MYO5A: variants seen among roughly 807,000 people sequenced by gnomAD.
MYO5A encodes unconventional myosin-Va.
Under a neutral mutation model 249.7 loss-of-function variants are expected in MYO5A, and 98 were observed. The observed-to-expected ratio is 0.39, with a 90% CI of 0.33 to 0.46. The LOEUF is 0.46. MYO5A is among the 20% of genes least tolerant of loss of function. The probability of loss-of-function intolerance (pLI) is 0.98; values close to 1 mark genes in which losing one functional copy is unlikely to be tolerated. For synonymous variants in MYO5A, 778 were observed against 810.6 expected (o/e 0.96, Z 0.68); for missense variants, 1,696 against 2,308.8 (o/e 0.73, Z 5.44).
In MYO5A at chr15:52,319,318, G is replaced by A. The variant is rs1013885602; in HGVS notation, c.4976C>T (p.Thr1659Met). 25 of 1,614,036 alleles carry A rather than the reference G, an allele frequency of 1.5e-5. 1 individual carries two copies. The highest frequency in any genetic ancestry group is 6.7e-5 in the African/African-American group (5 of 74,914). Reference protein sequence around the residue: ...MIVSGMLEHETIQGVSGVKPT... With the variant: ...MIVSGMLEHEMIQGVSGVKPT... ...CTTCACCCCAGACACGCCCTGAATC[G>A]TTTCATGTTCCAGCATGCCTGAGAC... Residue 1659 changes from threonine to methionine, a missense_variant, in exon 39 of 42, where the codon ACG becomes ATG. Transcript: ENST00000399233.
chr15:52,460,583 C>T (rs1288919634), intron 1 of MYO5A, among the ~76,000 whole-genome samples: 1 of 152,164 alleles, frequency 6.6e-6, no homozygotes, highest in East Asian at 1.9e-4. Context: ...TGCAGTGAGC[C>T]CAGATGGCGG....
chr15:52,320,010 G>A (rs1361730227), intron 38 of MYO5A, among the ~76,000 whole-genome samples: 2 of 152,144 alleles, frequency 1.3e-5, no homozygotes, highest in Non-Finnish European at 2.9e-5. Context: ...AGCCCCAGAG[G>A]CAAAAACAGT....
chr15:52,471,474 GC>G (rs1469684462), intron 1 of MYO5A, among the ~76,000 whole-genome samples: 1 of 151,800 alleles, frequency 6.6e-6, no homozygotes, highest in Non-Finnish European at 1.5e-5. Context: ...AATCTGTTTA[GC>G]CAGGCATGGT....
chr15:52,357,465 A>AAAG (rs1555432921), intron 25 of MYO5A, among the ~76,000 whole-genome samples: 1 of 151,528 alleles, frequency 6.6e-6, no homozygotes, highest in African/African-American at 2.4e-5. Flanking sequence ...AAAAAAAAAA[A>AAAG]AAAGAAAAAA....
Position 52,528,846 on chromosome 15 carries a change from G to C in MYO5A, c.-40C>G. ...GCCTACGCCCCCCGCCTGTGCGGAGGCCGCACCTCGCCTGGGCGGCCGCCC... is the reference window on the plus strand; with the variant it reads ...GCCTACGCCCCCCGCCTGTGCGGAGCCCGCACCTCGCCTGGGCGGCCGCCC... On this transcript the variant is annotated 5_prime_UTR_variant, in exon 1 of 42. Coordinates refer to ENST00000399233, the MANE Select transcript of MYO5A (RefSeq NM_001382347.1). 1 of 1,449,342 alleles carries C rather than the reference G, an allele frequency of 6.9e-7. No homozygotes were observed. The highest frequency in any genetic ancestry group is 1.3e-5 in the South Asian group (1 of 74,334). 89.8% of individuals were successfully genotyped at this position (1,449,342 alleles called of 1,614,324 possible).
At chr15:52,340,028 A>T (rs1017142672) in intron 32 of MYO5A, among the ~76,000 whole-genome samples, 168 bp downstream of exon 32, 1 of 152,136 alleles carries the variant, frequency 6.6e-6, no homozygotes, top group South Asian at 2.1e-4. Context: ...CTTCCTTCCT[A>T]CCAAAATATT....
chr15:52,411,538 A>C (rs1009288992), intron 5 of MYO5A, among the ~76,000 whole-genome samples: 8 of 102,864 alleles, frequency 7.8e-5, no homozygotes, highest in Non-Finnish European at 1.6e-4. Flanking sequence ...AAGGCAAAGC[A>C]AAAAAAAAAA....
chr15:52,415,543 T>C (rs1396595021), intron 5 of MYO5A, among the ~76,000 whole-genome samples: 1 of 152,136 alleles, frequency 6.6e-6, no homozygotes, highest in African/African-American at 2.4e-5. Flanking sequence ...TATGAACCTA[T>C]AGCTGTGTTA....
At chr15:52,422,154 G>C (rs1002843505) in intron 4 of MYO5A, among the ~76,000 whole-genome samples, 7 of 152,112 alleles carry the variant, frequency 4.6e-5, no homozygotes, top group Admixed American at 2.0e-4. Flanking sequence ...AAGTCAACAA[G>C]GACAATTAAA....
chr15:52,458,280 G>C (rs2076160664), intron 1 of MYO5A, among the ~76,000 whole-genome samples: 1 of 152,134 alleles, frequency 6.6e-6, no homozygotes, highest in Non-Finnish European at 1.5e-5. Flanking sequence ...CTAACACAAA[G>C]AAATGATAAA....
intron 1 of MYO5A, among the ~76,000 whole-genome samples, chr15:52,474,767 G>A (rs1366351729): frequency 9.2e-5 from 14 of 152,214 alleles, no homozygotes; most frequent in Non-Finnish European, 2.1e-4. Context: ...TAAGCTTTTT[G>A]ATGTGCTGCT....
intron 1 of MYO5A, among the ~76,000 whole-genome samples, chr15:52,451,472 T>C (rs2076019252): frequency 6.6e-6 from 1 of 152,228 alleles, no homozygotes; most frequent in Admixed American, 6.5e-5. Context: ...TGATGTTTCA[T>C]CTTTGCTTAA....
intron 1 of MYO5A, among the ~76,000 whole-genome samples, chr15:52,521,155 G>A (rs991790366): frequency 1.3e-5 from 2 of 151,214 alleles, no homozygotes; most frequent in African/African-American, 4.9e-5. Flanking sequence ...TTGAACACAG[G>A]AGGCAGAGGT....
intron 28 of MYO5A, 116 bp from the exon 29 acceptor site, chr15:52,348,942 A>AG: frequency 1.8e-6 from 2 of 1,130,332 alleles, no homozygotes; most frequent in Non-Finnish European, 2.5e-6. Context: ...ATTTAAAAAC[A>AG]GCCATGAGTT....
At chr15:52,367,372 T>A (rs189569206) in intron 22 of MYO5A, among the ~76,000 whole-genome samples, 152 of 152,344 alleles carry the variant, frequency 1.0e-3, no homozygotes, top group African/African-American at 3.5e-3. Context: ...GCTCTTTATA[T>A]CCGTTATAAA....
chr15:52,474,245 C>T (rs1159108066), intron 1 of MYO5A, among the ~76,000 whole-genome samples: 1 of 152,298 alleles, frequency 6.6e-6, no homozygotes, highest in African/African-American at 2.4e-5. Flanking sequence ...GATTTTGTAT[C>T]CTGAGACTGC....
intron 29 of MYO5A, among the ~76,000 whole-genome samples, chr15:52,348,082 T>C (rs531566883): frequency 5.1e-4 from 78 of 152,354 alleles, no homozygotes; most frequent in African/African-American, 1.7e-3. Context: ...CTTCTTAGTA[T>C]GCTTCTCTCC....
At chr15:52,342,223 G>A (rs2140993721) in intron 31 of MYO5A, among the ~76,000 whole-genome samples, 1 of 152,270 alleles carries the variant, frequency 6.6e-6, no homozygotes, top group East Asian at 1.9e-4. Flanking sequence ...GAGTGTGGTG[G>A]CACATGCTTG....
intron 1 of MYO5A, among the ~76,000 whole-genome samples, chr15:52,496,078 A>T (rs976944671): frequency 8.7e-5 from 10 of 114,762 alleles, no homozygotes; most frequent in Admixed American, 2.2e-4. Context: ...TATAATTTTT[A>T]AAAAAAAGAG....
Sources: allele counts gnomAD v4.1 joint callset (sites outside exome capture counted in the v4.1 genomes callset), GRCh38; gene constraint gnomAD v4.1.1; transcripts MANE v1.5; gene names NCBI Gene and HGNC (gene_info 2026-07-23, HGNC 2026-07-21).